Variants in IGLON5 observed in about 807,000 individuals in gnomAD.
IGLON5 encodes Ig-like domain-containing protein ENSP00000270642.
Under a neutral mutation model 38.2 loss-of-function variants are expected in IGLON5, and 16 were observed. The ratio of observed to expected loss-of-function variants is 0.42; its 90% CI spans 0.28 to 0.64. The LOEUF (loss-of-function observed/expected upper bound fraction) is 0.64. Among genes scored for constraint, IGLON5 ranks in the 30% least tolerant of loss-of-function variants. The pLI, the probability that IGLON5 is intolerant of heterozygous loss-of-function variation, is 0.23. For missense variants in IGLON5, 366 were observed against 483.4 expected, an observed-to-expected ratio of 0.76 and a Z score of 2.28; for synonymous variants, 207 against 216.4, an observed-to-expected ratio of 0.96 and a Z score of 0.38.
intron 7 of IGLON5, among the ~76,000 whole-genome samples, chr19:51,328,095 G>A (rs2123537622): frequency 6.6e-6 from 1 of 152,372 alleles, no homozygotes; most frequent in East Asian, 1.9e-4. Context: ...ACGCAGCTGT[G>A]CACAAAAGAA....
At chr19:51,319,186 AC>A (rs1436354506) in intron 1 of IGLON5, among the ~76,000 whole-genome samples, 5 of 152,096 alleles carry the variant, frequency 3.3e-5, no homozygotes, top group Non-Finnish European at 7.4e-5. Context: ...GTCTGTTTTC[AC>A]CAGCCTAGGA....
At chr19:51,320,540 T>A (rs1366054725) in intron 1 of IGLON5, among the ~76,000 whole-genome samples, 1 of 152,182 alleles carries the variant, frequency 6.6e-6, no homozygotes, top group Non-Finnish European at 1.5e-5. Flanking sequence ...TACAGAGAGA[T>A]GACTGCGTGG....
At position 51,325,272 on chromosome 19, in the gene IGLON5, C is replaced by T. The variant is rs1985185409; in HGVS notation, c.392-74C>T. On this transcript the variant is annotated intron_variant, in intron 3 of 7. Coordinates refer to ENST00000270642, the MANE Select transcript of IGLON5 (RefSeq NM_001101372.3). The surrounding 1 kb of genome is among the most constrained non-coding windows in gnomAD (Gnocchi z 5.5). ...GAGGAGGGGCTGGGGGTCTGGACTC[C>T]TGGGTCTGAAGGAGGAAGGGCTGGG... 6.4e-7 allele frequency: 1 copy of T among 1,567,346 alleles called. No individual in the cohort carries two copies. The highest frequency in any genetic ancestry group is 8.6e-7 in the Non-Finnish European group (1 of 1,157,038).
rs1002853568 is a variant in IGLON5 at position 51,323,735 on chromosome 19, C to T, written c.232C>T (p.Arg78Cys). The T allele has an allele frequency of 3.2e-5, 52 of 1,613,842 alleles. No homozygotes were observed. Among genetic ancestry groups the T allele is most frequent in the African/African-American group, 4.0e-5 (3 of 74,922 alleles). ...RSNILYAGND[R>C]WTSDPRVRLL... ...CAACATCCTGTATGCCGGCAATGACCGCTGGACCAGCGACCCGCGGGTGCG... is the reference window on the plus strand; with the variant it reads ...CAACATCCTGTATGCCGGCAATGACTGCTGGACCAGCGACCCGCGGGTGCG... The change falls in exon 3 of 8, where the codon CGC (arginine) becomes TGC (cysteine). Residue 78 changes from arginine to cysteine, a missense_variant. Physicochemically the swap from Arg to Cys is radical, Grantham distance 180. Transcript: ENST00000270642.
chr19:51,315,363 G>A (rs1052141425), intron 1 of IGLON5, among the ~76,000 whole-genome samples: 5 of 152,138 alleles, frequency 3.3e-5, no homozygotes, highest in Admixed American at 1.3e-4. Context: ...GGTTCATCTG[G>A]CTTGTGGGCT....
chr19:51,322,595 G>A (rs186920904), intron 2 of IGLON5, among the ~76,000 whole-genome samples: 2 of 31,872 alleles, frequency 6.3e-5, no homozygotes, highest in Non-Finnish European at 1.1e-4. Context: ...TCTCTCTCTC[G>A]CTTGCTCTCT....
intron 1 of IGLON5, among the ~76,000 whole-genome samples, chr19:51,314,421 TG>T (rs1984863463): frequency 6.6e-6 from 1 of 152,136 alleles, no homozygotes; most frequent in Non-Finnish European, 1.5e-5. Context: ...TGACCTCAGG[TG>T]ATCTGCCCAC....
chr19:51,324,759 C>T lies in IGLON5; in HGVS notation c.392-587C>T, dbSNP rs894098155. On this transcript the variant is annotated intron_variant, in intron 3 of 7. Transcript: ENST00000270642. The surrounding 1 kb of genome is among the most constrained non-coding windows in gnomAD (Gnocchi z 4.2). ...CCAGCGATACCCTGGCATCCTATCT[C>T]GAGGGCCATCCTGCTTGGAGAAATG... is the stretch of plus-strand genomic sequence containing the variant. 2.0e-5 allele frequency among the ~76,000 whole-genome samples: 3 copies of T among 151,206 alleles called. No individual in the cohort carries two copies. The highest frequency in any genetic ancestry group is 4.2e-4 in the South Asian group (2 of 4,778).
intron 1 of IGLON5, among the ~76,000 whole-genome samples, chr19:51,314,390 G>T (rs1325104457): frequency 6.6e-6 from 1 of 151,936 alleles, no homozygotes; most frequent in African/African-American, 2.4e-5. Context: ...CACCATGTTG[G>T]CCAGGCTGGT....
At position 51,311,791 on chromosome 19, in the gene IGLON5, CG is replaced by C; in HGVS notation, c.-56del. 1 of 325,924 alleles carries C rather than the reference CG, an allele frequency of 3.1e-6. No individual in the cohort carries two copies. The highest frequency in any genetic ancestry group is 5.3e-6 in the Non-Finnish European group (1 of 189,608). 20.2% of individuals were successfully genotyped at this position (325,924 alleles called of 1,614,324 possible). A position where few individuals can be genotyped will look rare whatever the true frequency, so the allele number is the denominator to read the frequency against. The stretch of plus-strand genomic sequence containing the variant: ...CCCTCCCCCCTCTCCCCCCAGGCCT[CG>C]CGCGCCCCGGACCGGCCCCCCCTTT... On this transcript the variant is annotated 5_prime_UTR_variant, in exon 1 of 8. Coordinates refer to ENST00000270642, the MANE Select transcript of IGLON5 (RefSeq NM_001101372.3).
Position 51,311,854 on chromosome 19 carries a change from C to T in IGLON5, c.7C>T (p.Pro3Ser), listed in dbSNP as rs576949224. The T allele has an allele frequency of 6.9e-6, 9 of 1,306,554 alleles. No homozygotes were observed. Among genetic ancestry groups the T allele is most frequent in the South Asian group, 2.0e-5 (1 of 49,304 alleles). The allele number at this position is 1,306,554 out of a possible 1,614,324, so 80.9% of individuals were successfully genotyped here. A position where few individuals can be genotyped will look rare whatever the true frequency, so the allele number is the denominator to read the frequency against. Residue 3 changes from proline to serine, a missense_variant, in exon 1 of 8, where the codon CCC becomes TCC. Coordinates refer to ENST00000270642, the MANE Select transcript of IGLON5 (RefSeq NM_001101372.3). MP[P>S]PAPGARLRLL... ...CCGCGCCGCCTCTGCCGCGATGCCC[C>T]CCCCTGCGCCCGGGGCCCGGCTCCG...
At chr19:51,321,860 ACAT>A (rs1568458394) in intron 1 of IGLON5, among the ~76,000 whole-genome samples, 1 of 152,122 alleles carries the variant, frequency 6.6e-6, no homozygotes, top group Non-Finnish European at 1.5e-5. Context: ...ATCTCTGAAA[ACAT>A]CAGTGCATGT....
intron 1 of IGLON5, among the ~76,000 whole-genome samples, chr19:51,320,207 C>T (rs1301250966): frequency 1.3e-5 from 2 of 152,156 alleles, no homozygotes; most frequent in African/African-American, 2.4e-5. Flanking sequence ...TGAGGGGGCC[C>T]AGGGTGAGGG....
chr19:51,312,051 C>G (rs953349635), intron 1 of IGLON5, 125 bp downstream of exon 1: 1 of 434,142 alleles, frequency 2.3e-6, no homozygotes, highest in Admixed American at 5.0e-5. Context: ...CCCGGGACGC[C>G]GGGGTCTGGG....
chr19:51,314,739 C>G (rs1984873144), intron 1 of IGLON5, among the ~76,000 whole-genome samples: 1 of 152,200 alleles, frequency 6.6e-6, no homozygotes, highest in Non-Finnish European at 1.5e-5. Context: ...GATATGCAAA[C>G]TAGCATCTTC....
intron 7 of IGLON5, 138 bp from the exon 8 acceptor site, chr19:51,328,529 GAGTC>G (rs1053084533): frequency 9.6e-6 from 4 of 416,562 alleles, no homozygotes; most frequent in Non-Finnish European, 1.7e-5. Context: ...AAAAGAAACA[GAGTC>G]AGAAAAGCAG....
intron 2 of IGLON5, 70 bp from the exon 3 acceptor site, chr19:51,323,592 C>A: frequency 7.4e-7 from 1 of 1,359,222 alleles, no homozygotes; most frequent in Non-Finnish European, 1.0e-6. Flanking sequence ...TTCTCCCACC[C>A]ACCCCCTCGG....
chr19:51,322,231 G>A (rs1382496595), intron 2 of IGLON5, 89 bp downstream of exon 2: 3 of 1,054,434 alleles, frequency 2.8e-6, no homozygotes, highest in Non-Finnish European at 4.4e-6. Flanking sequence ...CTGGTTACAG[G>A]AACAGCCTGG....
intron 2 of IGLON5, 90 bp from the exon 3 acceptor site, chr19:51,323,572 G>C (rs750482197): frequency 9.6e-7 from 1 of 1,042,014 alleles, no homozygotes; most frequent in South Asian, 1.5e-5. Context: ...CTGGAGATGC[G>C]GTGGCCTCCT....
Sources: allele counts gnomAD v4.1 joint callset (sites outside exome capture counted in the v4.1 genomes callset), GRCh38; gene constraint gnomAD v4.1.1; non-coding constraint Gnocchi (gnomAD v3.1); transcripts MANE v1.5; gene names NCBI Gene and HGNC (gene_info 2026-07-23, HGNC 2026-07-21).